The following ATM variants were observed in gnomAD, a reference collection of about 807,000 sequenced individuals.
ATM encodes ATM serine/threonine kinase, also known as serine-protein kinase ATM.
ATM carries 308 observed loss-of-function variants against 387.0 expected under a neutral mutation model. That is an observed-to-expected ratio of 0.80 (90% confidence interval 0.73 to 0.87). ATM has a LOEUF of 0.87. Among genes scored for constraint, ATM ranks in the 40% least tolerant of loss-of-function variants. The probability of loss-of-function intolerance (pLI) is 0.00; values close to 1 mark genes in which losing one functional copy is unlikely to be tolerated. For missense variants in ATM, 3,312 were observed against 3,560.9 expected (o/e 0.93, Z 1.78); for synonymous variants, 1,156 against 1,187.3 (o/e 0.97, Z 0.54).
chr11:108,361,844 C>A (rs1315282418), intron 61 of ATM, among the ~76,000 whole-genome samples: 1 of 151,692 alleles, frequency 6.6e-6, no homozygotes, highest in Non-Finnish European at 1.5e-5. Context: ...CCATAAAAAC[C>A]CTAGAAGAAA....
intron 26 of ATM, among the ~76,000 whole-genome samples, chr11:108,284,999 G>C (rs2082419230): frequency 6.6e-6 from 1 of 151,654 alleles, no homozygotes; most frequent in South Asian, 2.1e-4. Flanking sequence ...TTACTCTTTT[G>C]CCAAGACTGG....
chr11:108,327,904 T>A, intron 48 of ATM, 146 bp downstream of exon 48: 1 of 733,834 alleles, frequency 1.4e-6, no homozygotes, highest in Non-Finnish European at 2.3e-6. Context: ...GTATAGTCTC[T>A]AGGGTGGAGT....
At chr11:108,361,158 C>CA (rs1433024071) in intron 61 of ATM, among the ~76,000 whole-genome samples, 3 of 129,346 alleles carry the variant, frequency 2.3e-5, no homozygotes, top group Non-Finnish European at 4.8e-5. Context: ...CAACAACAGA[C>CA]AAACAGAGAG....
At position 108,244,672 on chromosome 11, in the gene ATM, T is replaced by A. The variant is rs1252537965; in HGVS notation, c.663-116T>A. 1.2e-5 allele frequency: 10 copies of A among 841,702 alleles called. No homozygotes were observed. In the East Asian group the frequency reaches 2.4e-4, roughly 20 times the overall value. 52.1% of individuals were successfully genotyped at this position (841,702 alleles called of 1,614,324 possible). ...TGAATAGTTTTGAAATTAAGACTAC[T>A]GTTTGAAAATTAGGGTTTTGTTTTT... On this transcript the variant is annotated intron_variant, in intron 6 of 62. Coordinates refer to ENST00000675843, the MANE Select transcript of ATM (RefSeq NM_000051.4).
intron 43 of ATM, 94 bp downstream of exon 43, chr11:108,317,615 T>TTTTA (rs1225638961): frequency 2.3e-5 from 5 of 215,374 alleles, no homozygotes; most frequent in East Asian, 1.4e-4. Context: ...AGGAGTTGTT[T>TTTTA]TATATATATA....
chr11:108,233,532 G>A (rs2079122489), intron 4 of ATM, among the ~76,000 whole-genome samples: 1 of 143,836 alleles, frequency 7.0e-6, no homozygotes, highest in African/African-American at 2.6e-5. Context: ...TCATGCTATT[G>A]CACTCCAGTC....
chr11:108,238,116 A>C (rs1167022688), intron 5 of ATM, among the ~76,000 whole-genome samples: 1 of 151,686 alleles, frequency 6.6e-6, no homozygotes, highest in African/African-American at 2.4e-5. Context: ...TAGTAGAGAC[A>C]GGGTTTCCTC....
chr11:108,280,309 G>A (rs1307156655), intron 23 of ATM, among the ~76,000 whole-genome samples: 1 of 152,056 alleles, frequency 6.6e-6, no homozygotes, highest in African/African-American at 2.4e-5. Flanking sequence ...TGATCTGACA[G>A]CAATTCATTT....
chr11:108,320,236 G>A (rs1336593892), intron 44 of ATM, among the ~76,000 whole-genome samples, 178 bp downstream of exon 44: 1 of 152,146 alleles, frequency 6.6e-6, no homozygotes, highest in Non-Finnish European at 1.5e-5. Context: ...AATTGTTTCT[G>A]GGATTCCAGG....
chr11:108,260,824 T>A (rs550375079), intron 16 of ATM, among the ~76,000 whole-genome samples: 1 of 152,164 alleles, frequency 6.6e-6, no homozygotes, highest in African/African-American at 2.4e-5. Flanking sequence ...ATTGCCTCAC[T>A]CAGGAAGTGC....
rs2136457311 is a variant in ATM at position 108,330,302 on chromosome 11, G to C, written c.7396G>C (p.Ala2466Pro). Residue 2466 changes from alanine (A) to proline (P), a missense_variant, in exon 50 of 63, where the codon GCA becomes CCA. Physicochemically the swap from Ala to Pro is conservative, Grantham distance 27. Around this residue, in one of 4 missense-constraint regions of ATM, gnomAD observed 1,405 missense variants for 1,604.4 expected, o/e 0.88. Transcript: ENST00000675843. ...GGATCGTAAACGCTTCTTATGTAAA[G>C]CAGTTGAAAATTATATCAACTGCTT... is the stretch of plus-strand genomic sequence containing the variant. ...KEDRKRFLCK[A>P]VENYINCLLS... The C allele has an allele frequency of 6.2e-7, 1 of 1,614,194 alleles. No homozygotes were observed. Among genetic ancestry groups the C allele is most frequent in the Non-Finnish European group, 8.5e-7 (1 of 1,180,010 alleles).
In ATM at chr11:108,289,034, A is replaced by G. The variant is rs183214437; in HGVS notation, c.4167A>G (p.Thr1389=). ...TTCCATCGCATGTGATTAAAGCAAC[A>G]TTTGCCTATATCAGCAATTGTCATA... ...PHFPSHVIKA[T]FAYISNCHKT... The change falls in exon 28 of 63, where the codon ACA becomes ACG. Residue 1389 remains threonine, a synonymous_variant. Transcript: ENST00000675843. 2.3e-4 allele frequency: 374 copies of G among 1,613,362 alleles called. No individual in the cohort carries two copies. The highest frequency in any genetic ancestry group is 3.0e-4 in the Non-Finnish European group (354 of 1,179,480).
chr11:108,290,976 C>T (rs2082759121), intron 29 of ATM, among the ~76,000 whole-genome samples: 1 of 152,200 alleles, frequency 6.6e-6, no homozygotes, highest in African/African-American at 2.4e-5. Flanking sequence ...TGGCTCACGC[C>T]TGTAATCCCA....
At chr11:108,224,340 G>A (rs1445750907) in intron 1 of ATM, 1 of 152,194 alleles carries the variant, frequency 6.6e-6, no homozygotes, top group Non-Finnish European at 1.5e-5. Flanking sequence ...TGGGATATAA[G>A]CGTCATTGTC....
chr11:108,309,135 T>A, intron 38 of ATM: 1 of 931,250 alleles, frequency 1.1e-6, no homozygotes, highest in East Asian at 2.7e-5. Context: ...TCCAAGCTTG[T>A]GCTGTGTAAA....
At chr11:108,341,890 C>G (rs769879585) in intron 56 of ATM, among the ~76,000 whole-genome samples, 2 of 152,106 alleles carry the variant, frequency 1.3e-5, no homozygotes, top group African/African-American at 2.4e-5. Context: ...TCGGTACAGT[C>G]ACTTTGAATA....
At position 108,244,806 on chromosome 11, in the gene ATM, A is replaced by G. The variant is rs766129865; in HGVS notation, c.681A>G (p.Ser227=). 6.8e-6 allele frequency: 11 copies of G among 1,613,504 alleles called. No individual in the cohort carries two copies. Among genetic ancestry groups the G allele is most frequent in the Non-Finnish European group, 8.5e-7 (1 of 1,179,802 alleles). The change falls in exon 7 of 63, where the codon TCA becomes TCG. Residue 227 remains serine, a synonymous_variant. Transcript: ENST00000675843. The stretch of plus-strand genomic sequence containing the variant: ...TTCACAGACAAGAAAAGAGCTCTTC[A>G]GGTCTAAATCATATCTTAGCAGCTC... ...IQCARQEKSS[S]GLNHILAALT...
chr11:108,275,273 C>T (rs1047145805), intron 22 of ATM, among the ~76,000 whole-genome samples: 13 of 152,212 alleles, frequency 8.5e-5, no homozygotes, highest in African/African-American at 2.9e-4. Flanking sequence ...TGAGATGGGT[C>T]CCCTGAATAC....
intron 29 of ATM, chr11:108,290,691 A>G (rs2082741902): frequency 6.7e-6 from 1 of 149,234 alleles, no homozygotes; most frequent in African/African-American, 2.5e-5. Context: ...GTATGATGAT[A>G]TGCGCCTGTA....
Sources: allele counts gnomAD v4.1 joint callset (sites outside exome capture counted in the v4.1 genomes callset), GRCh38; gene constraint gnomAD v4.1.1; regional missense constraint gnomAD v4.1.1; transcripts MANE v1.5; gene names NCBI Gene and HGNC (gene_info 2026-07-23, HGNC 2026-07-21).